Variants in FGF12 observed in about 807,000 individuals in gnomAD.
The protein encoded by FGF12 is fibroblast growth factor 12.
A neutral mutation model predicts 23.6 loss-of-function variants in FGF12; 14 were observed. The observed-to-expected ratio is 0.59, with a 90% CI of 0.39 to 0.93. The LOEUF (loss-of-function observed/expected upper bound fraction) is 0.93, where lower values mean the gene tolerates loss of function less well. Ranked by LOEUF, FGF12 falls within the 40% of genes least tolerant of loss-of-function variation. The pLI is 0.00. For missense variants in FGF12, 175 were observed against 217.8 expected (o/e 0.80, Z 1.24); for synonymous variants, 62 against 77.3 (o/e 0.80, Z 1.04).
chr3:192,683,754 G>A (rs573309738), intron 2 of FGF12, among the ~76,000 whole-genome samples: 15 of 152,272 alleles, frequency 9.9e-5, no homozygotes, highest in Non-Finnish European at 2.2e-4. Context: ...CAATTCAAAT[G>A]TTGGTCATCC....
intron 2 of FGF12, among the ~76,000 whole-genome samples, chr3:192,671,166 A>G (rs1029400225): frequency 6.6e-6 from 1 of 152,250 alleles, no homozygotes; most frequent in African/African-American, 2.4e-5. Flanking sequence ...ATGTTTTTAC[A>G]TACCAAGTAA....
At chr3:192,146,427 C>T (rs866871553) in intron 5 of FGF12, among the ~76,000 whole-genome samples, 5 of 152,016 alleles carry the variant, frequency 3.3e-5, no homozygotes, top group African/African-American at 7.2e-5. Context: ...CCAGCCACCA[C>T]GCCTGGCTAA....
intron 4 of FGF12, among the ~76,000 whole-genome samples, chr3:192,284,661 C>T (rs1038247148): frequency 2.6e-5 from 4 of 151,960 alleles, no homozygotes; most frequent in Admixed American, 6.6e-5. Context: ...TCATGATTCT[C>T]AAGGCAAATC....
chr3:192,464,827 T>C (rs1185287579), intron 2 of FGF12, among the ~76,000 whole-genome samples: 2 of 151,970 alleles, frequency 1.3e-5, no homozygotes, highest in Admixed American at 6.6e-5. Context: ...GGTGTGGCAA[T>C]AGAGACAGTA....
chr3:192,704,998 G>T (rs1303797620), intron 2 of FGF12, among the ~76,000 whole-genome samples: 3 of 152,154 alleles, frequency 2.0e-5, no homozygotes, highest in African/African-American at 7.2e-5. Context: ...CTCTGTATTA[G>T]GCTTTGGCTT....
chr3:192,666,637 G>A (rs192133025), intron 2 of FGF12, among the ~76,000 whole-genome samples: 1 of 152,164 alleles, frequency 6.6e-6, no homozygotes, highest in Non-Finnish European at 1.5e-5. Flanking sequence ...AATTACCATG[G>A]AGGTCTTCAA....
At chr3:192,594,205 G>A in intron 2 of FGF12, among the ~76,000 whole-genome samples, 1 of 151,856 alleles carries the variant, frequency 6.6e-6, no homozygotes, top group East Asian at 1.9e-4. Context: ...TGAATAGAAT[G>A]AGTGTCATCA....
intron 4 of FGF12, among the ~76,000 whole-genome samples, chr3:192,212,680 T>G (rs941678271): frequency 1.9e-4 from 29 of 152,014 alleles, no homozygotes; most frequent in African/African-American, 7.0e-4. Flanking sequence ...TCAAAGCAGT[T>G]TCAGGATTTG....
intron 2 of FGF12, among the ~76,000 whole-genome samples, chr3:192,436,363 C>T (rs1307751150): frequency 1.3e-5 from 2 of 152,200 alleles, no homozygotes; most frequent in Admixed American, 1.3e-4. Flanking sequence ...CTCAAATAGT[C>T]ATACACAGCA....
At chr3:192,576,445 T>G (rs1712889831) in intron 2 of FGF12, among the ~76,000 whole-genome samples, 2 of 152,158 alleles carry the variant, frequency 1.3e-5, no homozygotes, top group Admixed American at 1.3e-4. Flanking sequence ...CTGAAATGTT[T>G]AAGAAGAAAG....
At chr3:192,483,545 T>TATCAGTTCAATAA (rs1356056748) in intron 2 of FGF12, among the ~76,000 whole-genome samples, 1 of 152,156 alleles carries the variant, frequency 6.6e-6, no homozygotes, top group Non-Finnish European at 1.5e-5. Flanking sequence ...TTATAGTAAA[T>TATCAGTTCAATAA]ATCAGTTCAA....
intron 2 of FGF12, among the ~76,000 whole-genome samples, chr3:192,566,473 G>A (rs1712294982): frequency 6.6e-6 from 1 of 152,180 alleles, no homozygotes; most frequent in African/African-American, 2.4e-5. Context: ...AGATATTGGA[G>A]AAAAGAAGCT....
intron 2 of FGF12, among the ~76,000 whole-genome samples, chr3:192,361,780 T>A (rs538170791): frequency 6.6e-6 from 1 of 152,310 alleles, no homozygotes; most frequent in East Asian, 1.9e-4. Flanking sequence ...GTTGGGACTT[T>A]TGCACATGTG....
rs1713378481 is a variant in FGF12, at chr3:192,141,408, C to T, written c.*2601G>A. The T allele has an allele frequency of 6.6e-6, 1 of 151,860 alleles. No homozygotes were observed. Among genetic ancestry groups the T allele is most frequent in the African/African-American group, 2.4e-5 (1 of 41,384 alleles). 9.4% of individuals were successfully genotyped at this position (151,860 alleles called of 1,614,324 possible). A position where few individuals can be genotyped will look rare whatever the true frequency, so the allele number is the denominator to read the frequency against. ...AAGCAGGAGTTAAGCAAACATTCAC[C>T]CTTTGCTCTAAGCTACATTTTTTGT... On this transcript the variant is annotated 3_prime_UTR_variant, in exon 6 of 6. Transcript: ENST00000445105.
chr3:192,587,037 C>T (rs893498119), intron 2 of FGF12, among the ~76,000 whole-genome samples: 2 of 151,994 alleles, frequency 1.3e-5, no homozygotes, highest in Non-Finnish European at 2.9e-5. Context: ...GGGGGGTCTA[C>T]TCAGAATATA....
At chr3:192,625,400 T>G (rs1449210027) in intron 2 of FGF12, among the ~76,000 whole-genome samples, 1 of 152,154 alleles carries the variant, frequency 6.6e-6, no homozygotes, top group Non-Finnish European at 1.5e-5. Flanking sequence ...ATTTTTAGTT[T>G]GCTTTTTTCT....
At chr3:192,689,768 C>A (rs1043871790) in intron 2 of FGF12, among the ~76,000 whole-genome samples, 5 of 151,790 alleles carry the variant, frequency 3.3e-5, no homozygotes, top group African/African-American at 1.2e-4. Flanking sequence ...TGGCTAAAAA[C>A]TTCCCACCTG....
intron 4 of FGF12, among the ~76,000 whole-genome samples, chr3:192,194,601 T>C (rs2108652564): frequency 6.6e-6 from 1 of 152,302 alleles, no homozygotes; most frequent in African/African-American, 2.4e-5. Context: ...ATATACCTGG[T>C]GGAATTTTTC....
intron 2 of FGF12, among the ~76,000 whole-genome samples, chr3:192,664,662 A>G (rs1268994097): frequency 6.6e-6 from 1 of 150,380 alleles, no homozygotes; most frequent in Non-Finnish European, 1.5e-5. Flanking sequence ...GCTACTCAGG[A>G]GGTTGAAGAG....
Sources: allele counts gnomAD v4.1 joint callset (sites outside exome capture counted in the v4.1 genomes callset), GRCh38; gene constraint gnomAD v4.1.1; transcripts MANE v1.5; gene names NCBI Gene and HGNC (gene_info 2026-07-23, HGNC 2026-07-21).